SMARCAD1: variants seen among roughly 807,000 people sequenced by gnomAD.
The protein encoded by SMARCAD1 is SNF2 related chromatin remodeling ATPase with DExD box 1.
Under a neutral mutation model 127.1 loss-of-function variants are expected in SMARCAD1, and 25 were observed. The ratio of observed to expected loss-of-function variants is 0.20; its 90% confidence interval spans 0.14 to 0.27. The LOEUF is 0.27. SMARCAD1 is among the 10% of genes least tolerant of loss of function. SMARCAD1 has a pLI of 1.00. For synonymous variants in SMARCAD1, 400 were observed against 396.9 expected, an observed-to-expected ratio of 1.01 and a Z score of -0.09; for missense variants, 807 against 1,206.0, an observed-to-expected ratio of 0.67 and a Z score of 4.90.
At position 94,247,536 on chromosome 4, in the gene SMARCAD1, C is replaced by T. The variant is rs1437250000; in HGVS notation, c.706-2118C>T. ...TGTATTTTTTTATTGAGGTGAAATT[C>T]ACATAGCATAAAATTAACCATTTTA... On this transcript the variant is annotated intron_variant, in intron 6 of 23. Transcript: ENST00000354268. 2.0e-5 allele frequency among the ~76,000 whole-genome samples: 3 copies of T among 152,164 alleles called. No individual in the cohort carries two copies. The East Asian group carries it at 5.8e-4, about 29-fold the overall frequency.
At chr4:94,209,012 C>T (rs1264951129) in intron 2 of SMARCAD1, among the ~76,000 whole-genome samples, 1 of 152,190 alleles carries the variant, frequency 6.6e-6, no homozygotes, top group African/African-American at 2.4e-5. Context: ...AACCTCTGTA[C>T]ACAAGGGAAG....
At chr4:94,217,940 G>A (rs926628733) in intron 2 of SMARCAD1, among the ~76,000 whole-genome samples, 1 of 152,178 alleles carries the variant, frequency 6.6e-6, no homozygotes, top group Non-Finnish European at 1.5e-5. Context: ...CTAACAATCT[G>A]TGTGCTTAGT....
intron 2 of SMARCAD1, among the ~76,000 whole-genome samples, chr4:94,225,220 A>G (rs1446498824): frequency 1.3e-5 from 2 of 152,044 alleles, no homozygotes; most frequent in African/African-American, 2.4e-5. Flanking sequence ...TAAGAAATTT[A>G]TTTTTCACAA....
intron 2 of SMARCAD1, among the ~76,000 whole-genome samples, chr4:94,214,185 A>G (rs1170989787): frequency 6.6e-6 from 1 of 152,136 alleles, no homozygotes; most frequent in Non-Finnish European, 1.5e-5. Context: ...CAGGAAAGGA[A>G]AGAGAGAAAT....
intron 3 of SMARCAD1, among the ~76,000 whole-genome samples, chr4:94,232,238 C>G (rs1346027623): frequency 6.6e-6 from 1 of 152,058 alleles, no homozygotes; most frequent in Admixed American, 6.6e-5. Flanking sequence ...TAAATCCAAG[C>G]CATAGTGATA....
At chr4:94,221,669 G>A (rs1744153578) in intron 2 of SMARCAD1, among the ~76,000 whole-genome samples, 1 of 152,116 alleles carries the variant, frequency 6.6e-6, no homozygotes, top group Admixed American at 6.6e-5. Flanking sequence ...TTGTGGCTTG[G>A]ATATATAGTT....
In SMARCAD1 at chr4:94,285,470, A is replaced by T. The variant is rs1265474574; in HGVS notation, c.3019+401A>T. On this transcript the variant is annotated intron_variant, in intron 23 of 23. Coordinates refer to ENST00000354268, the MANE Select transcript of SMARCAD1 (RefSeq NM_020159.5). ...TTTATGGGAGAAAGGGTGCATGTCA[A>T]CTTACGATACACTCTTCTGCATCTT... is the stretch of plus-strand genomic sequence containing the variant. 4.6e-5 allele frequency among the ~76,000 whole-genome samples: 7 copies of T among 152,298 alleles called. No homozygotes were observed. In the East Asian group the frequency reaches 1.2e-3, roughly 25 times the overall value.
intron 2 of SMARCAD1, among the ~76,000 whole-genome samples, chr4:94,219,141 T>TA (rs1345371831): frequency 2.6e-5 from 4 of 152,154 alleles, no homozygotes; most frequent in Admixed American, 2.6e-4. Flanking sequence ...AGAGGGCAAA[T>TA]ATATGATGTG....
At chr4:94,208,221 C>T in intron 1 of SMARCAD1, 125 bp from the exon 2 acceptor site, 2 of 747,254 alleles carry the variant, frequency 2.7e-6, no homozygotes, top group Non-Finnish European at 4.8e-6. Flanking sequence ...TGAAGCGCAG[C>T]CATAACAGTC....
intron 9 of SMARCAD1, 62 bp from the exon 10 acceptor site, chr4:94,264,645 C>A: frequency 1.4e-6 from 2 of 1,434,906 alleles, no homozygotes; most frequent in Non-Finnish European, 1.9e-6. Context: ...ATAAAGAAAT[C>A]AGGATTGCCT....
At chr4:94,250,325 A>G (rs1159625729) in intron 7 of SMARCAD1, among the ~76,000 whole-genome samples, 1 of 152,060 alleles carries the variant, frequency 6.6e-6, no homozygotes, top group African/African-American at 2.4e-5. Flanking sequence ...ATTTGAGTAT[A>G]TATGTTCAGA....
intron 2 of SMARCAD1, among the ~76,000 whole-genome samples, chr4:94,225,405 C>T (rs1744837318): frequency 6.6e-6 from 1 of 152,072 alleles, no homozygotes; most frequent in South Asian, 2.1e-4. Flanking sequence ...GACTCAGAGC[C>T]CATCCTGTAG....
intron 2 of SMARCAD1, among the ~76,000 whole-genome samples, chr4:94,216,364 T>C (rs1367661679): frequency 6.6e-6 from 1 of 152,184 alleles, no homozygotes; most frequent in Non-Finnish European, 1.5e-5. Context: ...ACCTTGTTCA[T>C]CCTTTCCTCT....
chr4:94,269,100 A>G (rs969465147), intron 10 of SMARCAD1, among the ~76,000 whole-genome samples: 3 of 152,194 alleles, frequency 2.0e-5, no homozygotes, highest in East Asian at 1.9e-4. Flanking sequence ...TTTTTCTCCT[A>G]CCTATACTTT....
chr4:94,226,401 T>TTTTA, intron 3 of SMARCAD1, 105 bp downstream of exon 3: 1 of 557,890 alleles, frequency 1.8e-6, no homozygotes, highest in Non-Finnish European at 2.7e-6. Context: ...TTTTTTTTTT[T>TTTTA]CTTTTTTTTT....
intron 12 of SMARCAD1, 84 bp downstream of exon 12, chr4:94,273,800 A>AG: frequency 9.3e-7 from 1 of 1,074,326 alleles, no homozygotes; most frequent in South Asian, 1.3e-5. Flanking sequence ...TGTGTGTCGG[A>AG]GGGGTGTTGT....
chr4:94,215,201 T>G (rs1307185971), intron 2 of SMARCAD1, among the ~76,000 whole-genome samples: 2 of 152,226 alleles, frequency 1.3e-5, no homozygotes, highest in Non-Finnish European at 2.9e-5. Context: ...TCATTGTGGT[T>G]TCTTAATGTC....
At chr4:94,248,400 A>T in intron 6 of SMARCAD1, 2 of 451,652 alleles carry the variant, frequency 4.4e-6, no homozygotes, top group South Asian at 3.1e-5. Context: ...AGTGGTCTAG[A>T]GTTAGATACT....
At chr4:94,268,036 C>G (rs773464420) in intron 10 of SMARCAD1, among the ~76,000 whole-genome samples, 2 of 152,090 alleles carry the variant, frequency 1.3e-5, no homozygotes, top group African/African-American at 2.4e-5. Flanking sequence ...GAGAAAGGAT[C>G]TGTAATTGGC....
Sources: gnomAD v4.1 joint callset for allele counts (sites outside exome capture counted in the v4.1 genomes callset) on GRCh38, gnomAD v4.1.1 for gene constraint, MANE v1.5 for transcripts, NCBI Gene and HGNC (gene_info 2026-07-23, HGNC 2026-07-21) for gene names.